Variants in MDN1 observed in about 807,000 individuals in gnomAD.
MDN1 encodes the protein midasin AAA ATPase 1.
Under a neutral mutation model 669.2 loss-of-function variants are expected in MDN1, and 266 were observed. The ratio of observed to expected loss-of-function variants is 0.40; its 90% CI spans 0.36 to 0.44. The LOEUF is 0.44. Among genes scored for constraint, MDN1 ranks in the 20% least tolerant of loss-of-function variants. The pLI is 1.00. For synonymous variants in MDN1, 2,385 were observed against 2,457.1 expected, an observed-to-expected ratio of 0.97 and a Z score of 0.87; for missense variants, 5,940 against 6,754.0, an observed-to-expected ratio of 0.88 and a Z score of 4.22.
At chr6:89,803,117 T>A (rs1767772328) in intron 2 of MDN1, among the ~76,000 whole-genome samples, 1 of 152,208 alleles carries the variant, frequency 6.6e-6, no homozygotes, top group East Asian at 1.9e-4. Flanking sequence ...TCTGTTCTGA[T>A]GGCCAAGATT....
Position 89,670,170 on chromosome 6 carries a change from A to ATT in MDN1, c.13956+747_13956+748dup, listed in dbSNP as rs766450069. 7.4e-3 allele frequency among the ~76,000 whole-genome samples: 174 copies of ATT among 23,378 alleles called. 2 individuals carry two copies. Among genetic ancestry groups the ATT allele is most frequent in the Non-Finnish European group, 8.8e-3 (144 of 16,430 alleles). The allele number at this position is 23,378 out of a possible 152,430, so 15.3% of individuals were successfully genotyped here. A position where few individuals can be genotyped will look rare whatever the true frequency, so the allele number is the denominator to read the frequency against. ...TATATATATATATATATATATATAT[A>ATT]TTTTTTTTTTTTTTTTTTTTGAGAT... On this transcript the variant is annotated intron_variant, in intron 83 of 101. Transcript: ENST00000369393.
Position 89,699,051 on chromosome 6 carries a change from T to A in MDN1, c.8998-16A>T. On this transcript the variant is annotated splice_polypyrimidine_tract_variant and intron_variant, in intron 58 of 101. Transcript: ENST00000369393. ...CAGGAGACACCTAGAAATAAAGGAA[T>A]AATTAGGTAAGAGAATACCTGAGAA... is the stretch of plus-strand genomic sequence containing the variant. 1 of 1,595,954 alleles carries A rather than the reference T, an allele frequency of 6.3e-7. No individual in the cohort carries two copies. The highest frequency in any genetic ancestry group is 8.6e-7 in the Non-Finnish European group (1 of 1,166,304).
chr6:89,711,579 A>G (rs1474856137), intron 49 of MDN1, among the ~76,000 whole-genome samples: 3 of 152,238 alleles, frequency 2.0e-5, no homozygotes, highest in Admixed American at 6.5e-5. Flanking sequence ...CCTTGTATCA[A>G]TCCCCCACAG....
At chr6:89,674,976 C>T (rs1811084076) in intron 78 of MDN1, among the ~76,000 whole-genome samples, 1 of 152,170 alleles carries the variant, frequency 6.6e-6, no homozygotes, top group Non-Finnish European at 1.5e-5. Context: ...TCCTAACTGT[C>T]CTCATCTCTT....
chr6:89,792,689 T>A (rs1247243203), intron 5 of MDN1, among the ~76,000 whole-genome samples: 2 of 147,828 alleles, frequency 1.4e-5, no homozygotes, highest in Admixed American at 1.4e-4. Flanking sequence ...TTTTTTTTTT[T>A]ACTACTACTG....
At position 89,783,325 on chromosome 6, in the gene MDN1, G is replaced by A. The variant is rs191192758; in HGVS notation, c.1449+1687C>T. 8.3e-4 allele frequency among the ~76,000 whole-genome samples: 127 copies of A among 152,166 alleles called. 1 individual carries two copies. The East Asian group carries it at 0.01, about 12-fold the overall frequency. On this transcript the variant is annotated intron_variant, in intron 9 of 101. Transcript: ENST00000369393. ...CGCTCTGGGAATGCCTGTCTTATGCGGTTAAGATAAGGACCGAGATACACC... is the reference window on the plus strand; with the variant it reads ...CGCTCTGGGAATGCCTGTCTTATGCAGTTAAGATAAGGACCGAGATACACC...
intron 1 of MDN1, among the ~76,000 whole-genome samples, chr6:89,810,126 T>C (rs1584406205): frequency 6.9e-6 from 1 of 145,696 alleles, no homozygotes; most frequent in African/African-American, 2.6e-5. Flanking sequence ...CATAACAAAA[T>C]ACCACAAACT....
At chr6:89,652,576 A>C (rs920390413) in intron 94 of MDN1, among the ~76,000 whole-genome samples, 5 of 152,266 alleles carry the variant, frequency 3.3e-5, no homozygotes, top group Admixed American at 3.3e-4. Flanking sequence ...TTATCTGATT[A>C]ATCAAATAAG....
chr6:89,669,604 T>C (rs1303271994), intron 83 of MDN1, among the ~76,000 whole-genome samples: 4 of 152,114 alleles, frequency 2.6e-5, no homozygotes, highest in Non-Finnish European at 5.9e-5. Context: ...TGTATTAAGC[T>C]TGGAGAAAAT....
chr6:89,777,881 T>C (rs1488904646), intron 11 of MDN1, among the ~76,000 whole-genome samples: 1 of 152,096 alleles, frequency 6.6e-6, no homozygotes, highest in East Asian at 1.9e-4. Flanking sequence ...ATAAAAACCC[T>C]AGCTTCTGAG....
In MDN1 at chr6:89,789,768, G is replaced by GTCATATACC. The variant is rs1178435661; in HGVS notation, c.1230+11_1230+12insGGTATATGA. 1.9e-6 allele frequency: 3 copies of GTCATATACC among 1,574,248 alleles called. No individual in the cohort carries two copies. Among genetic ancestry groups the GTCATATACC allele is most frequent in the Non-Finnish European group, 2.6e-6 (3 of 1,161,198 alleles). ...TATATTAAGGGACAATGAATTTCCT[G>GTCATATACC]AGATGACATACCACGTCTAAGGGGG... On this transcript the variant is annotated intron_variant, in intron 7 of 101. Coordinates refer to ENST00000369393, the MANE Select transcript of MDN1 (RefSeq NM_014611.3).
intron 1 of MDN1, among the ~76,000 whole-genome samples, chr6:89,804,552 A>G (rs566318882): frequency 2.0e-5 from 3 of 152,290 alleles, no homozygotes; most frequent in Non-Finnish European, 4.4e-5. Context: ...TTGAAGAAAA[A>G]AATGAATTCT....
chr6:89,714,840 C>T, intron 45 of MDN1, 89 bp from the exon 46 acceptor site: 1 of 1,023,816 alleles, frequency 9.8e-7, no homozygotes, highest in Non-Finnish European at 1.4e-6. Flanking sequence ...GAGGGCAAAT[C>T]CTATGTGGCT....
chr6:89,662,588 A>G (rs1369555419), intron 86 of MDN1, among the ~76,000 whole-genome samples: 3 of 152,236 alleles, frequency 2.0e-5, no homozygotes, highest in African/African-American at 7.2e-5. Flanking sequence ...ATCCTCCTTC[A>G]TAACACATGG....
intron 20 of MDN1, among the ~76,000 whole-genome samples, chr6:89,755,143 T>C (rs1477250412): frequency 6.6e-6 from 1 of 152,156 alleles, no homozygotes; most frequent in Non-Finnish European, 1.5e-5. Flanking sequence ...ATTTACACTT[T>C]TGTCCAAATA....
chr6:89,669,773 C>A (rs1261052022), intron 83 of MDN1, among the ~76,000 whole-genome samples: 1 of 152,128 alleles, frequency 6.6e-6, no homozygotes. Context: ...TATGACTAGA[C>A]CTACCCACAC....
chr6:89,712,311 T>C (rs1272534725), intron 48 of MDN1, 55 bp from the exon 49 acceptor site: 2 of 1,455,688 alleles, frequency 1.4e-6, no homozygotes, highest in Non-Finnish European at 1.9e-6. Flanking sequence ...TTATTTCACA[T>C]TCCAAATAAC....
At chr6:89,646,350 G>A (rs578045420) in intron 100 of MDN1, among the ~76,000 whole-genome samples, 190 bp downstream of exon 100, 1 of 152,254 alleles carries the variant, frequency 6.6e-6, no homozygotes, top group Admixed American at 6.5e-5. Flanking sequence ...AGCCTCATGA[G>A]TACAGGTTCA....
chr6:89,819,404 A>G (rs1769104007), intron 1 of MDN1, 102 bp downstream of exon 1: 1 of 1,112,518 alleles, frequency 9.0e-7, no homozygotes, highest in Non-Finnish European at 1.3e-6. Context: ...AGGCTGCACC[A>G]CTCCCCACTT....
Sources: gnomAD v4.1 joint callset for allele counts (sites outside exome capture counted in the v4.1 genomes callset) on GRCh38, gnomAD v4.1.1 for gene constraint, MANE v1.5 for transcripts, NCBI Gene and HGNC (gene_info 2026-07-23, HGNC 2026-07-21) for gene names.